The following EIF3L variants were observed in gnomAD, a reference collection of about 807,000 sequenced individuals.
The protein encoded by EIF3L is eukaryotic translation initiation factor 3 subunit L, also known as eIEF associated protein HSPC021.
A neutral mutation model predicts 74.6 loss-of-function variants in EIF3L; 32 were observed. That is an observed-to-expected ratio of 0.43 (90% CI 0.32 to 0.58). The LOEUF (loss-of-function observed/expected upper bound fraction) is 0.58, where lower values mean the gene tolerates loss of function less well. Among genes scored for constraint, EIF3L ranks in the 20% least tolerant of loss-of-function variants. The pLI is 0.06. For missense variants in EIF3L, 474 were observed against 707.8 expected (o/e 0.67, Z 3.75); for synonymous variants, 256 against 254.4 (o/e 1.01, Z -0.06).
At chr22:37,859,576 G>T (rs1227495936) in intron 5 of EIF3L, among the ~76,000 whole-genome samples, 3 of 151,148 alleles carry the variant, frequency 2.0e-5, no homozygotes, top group Non-Finnish European at 4.4e-5. Context: ...TAGAGACGGG[G>T]TTTCACTGTG....
rs1927459466 is a variant in EIF3L, at chr22:37,889,032, C to T, written c.*568C>T. The T allele has an allele frequency of 1.3e-5, 2 of 152,190 alleles. No individual in the cohort carries two copies. Among genetic ancestry groups the T allele is most frequent in the South Asian group, 4.1e-4 (2 of 4,830 alleles). The allele number at this position is 152,190 out of a possible 1,614,324, so 9.4% of individuals were successfully genotyped here. ...CTAGGATTACAGGCATGAGCCACCACGCCCCGCCTAAATTCAAAATCTTTT... is the reference window on the plus strand; with the variant it reads ...CTAGGATTACAGGCATGAGCCACCATGCCCCGCCTAAATTCAAAATCTTTT... On this transcript the variant is annotated 3_prime_UTR_variant, in exon 13 of 13. Transcript: ENST00000652021.
At chr22:37,849,904 G>A in intron 1 of EIF3L, 111 bp from the exon 2 acceptor site, 1 of 1,184,522 alleles carries the variant, frequency 8.4e-7, no homozygotes, top group Non-Finnish European at 1.3e-6. Context: ...CAGGCACAGT[G>A]TCTTATTCGC....
In EIF3L at chr22:37,858,258, C is replaced by G. The variant is rs148332657; in HGVS notation, c.374-421C>G. On this transcript the variant is annotated intron_variant, in intron 4 of 12. Transcript: ENST00000652021. Reference sequence around the variant, plus strand: ...TTTTTTTTTTTTGACATGGGGGTCTCACTGTGTTGCCCATGCTGGAGTGTA... The same window carrying G: ...TTTTTTTTTTTTGACATGGGGGTCTGACTGTGTTGCCCATGCTGGAGTGTA... Among the ~76,000 whole-genome samples the G allele has an allele frequency of 2.2e-4, 24 of 107,786 alleles. No homozygotes were observed. The East Asian group carries it at 7.4e-3, about 33-fold the overall frequency. 70.7% of individuals were successfully genotyped at this position (107,786 alleles called of 152,430 possible). A position where few individuals can be genotyped will look rare whatever the true frequency, so the allele number is the denominator to read the frequency against.
chr22:37,888,553 A>G lies in EIF3L; in HGVS notation c.*89A>G. ...CGTGAAACCTTTACCTAGATCAGCC[A>G]TCAGCCTGTCAACTCAGTTAACAAG... On this transcript the variant is annotated 3_prime_UTR_variant, in exon 13 of 13. Transcript: ENST00000652021. 7.3e-7 allele frequency: 1 copy of G among 1,366,768 alleles called. No individual in the cohort carries two copies. Among genetic ancestry groups the G allele is most frequent in the Non-Finnish European group, 1.0e-6 (1 of 962,188 alleles). The allele number at this position is 1,366,768 out of a possible 1,614,324, so 84.7% of individuals were successfully genotyped here. A position where few individuals can be genotyped will look rare whatever the true frequency, so the allele number is the denominator to read the frequency against.
chr22:37,859,717 C>A (rs1204643682), intron 5 of EIF3L, among the ~76,000 whole-genome samples: 1 of 151,090 alleles, frequency 6.6e-6, no homozygotes, highest in East Asian at 2.0e-4. Flanking sequence ...GCCATCTGTA[C>A]TATTTAAGGC....
chr22:37,850,106 G>T (rs536019258), intron 2 of EIF3L, 43 bp downstream of exon 2: 9 of 1,608,606 alleles, frequency 5.6e-6, no homozygotes, highest in African/African-American at 2.7e-5. Flanking sequence ...GTAGGGATCA[G>T]TTCCTTTGGA....
At chr22:37,871,829 A>G (rs1370397337) in intron 8 of EIF3L, among the ~76,000 whole-genome samples, 1 of 148,472 alleles carries the variant, frequency 6.7e-6, no homozygotes, top group Non-Finnish European at 1.5e-5. Context: ...AGATCGCACC[A>G]CTGCACTACA....
chr22:37,886,783 G>T lies in EIF3L; in HGVS notation c.1594G>T (p.Asp532Tyr). The T allele has an allele frequency of 6.2e-7, 1 of 1,610,830 alleles. No individual in the cohort carries two copies. The highest frequency in any genetic ancestry group is 1.1e-5 in the South Asian group (1 of 90,984). ...CCCACAGGACATGATCCACATCGCG[G>T]ACACCAAGGTCGCCAGGCGTTATGG... ...YIDKDMIHIADTKVARRYGDF... is the reference protein window; with the variant it reads ...YIDKDMIHIAYTKVARRYGDF... Residue 532 changes from aspartate (D) to tyrosine (Y), a missense_variant, in exon 12 of 13, where the codon GAC (aspartate) becomes TAC (tyrosine). Coordinates refer to ENST00000652021, the MANE Select transcript of EIF3L (RefSeq NM_016091.4).
chr22:37,863,793 C>T lies in EIF3L; in HGVS notation c.579+448C>T, dbSNP rs1033711943. Among the ~76,000 whole-genome samples, 10 of 151,876 alleles carry T rather than the reference C, an allele frequency of 6.6e-5. No homozygotes were observed. The South Asian group carries it at 1.0e-3, about 16-fold the overall frequency. Reference sequence around the variant, plus strand: ...TTAAGAGTCAGGGTCAGGCCGGGCGCGGTGACTCACGCCTGTAATCCTAGC... The same window carrying T: ...TTAAGAGTCAGGGTCAGGCCGGGCGTGGTGACTCACGCCTGTAATCCTAGC... On this transcript the variant is annotated intron_variant, in intron 7 of 12. Coordinates refer to ENST00000652021, the MANE Select transcript of EIF3L (RefSeq NM_016091.4).
rs757010146 is a variant in EIF3L at position 37,877,887 on chromosome 22, G to A, written c.1291G>A (p.Val431Met). ...LSPVVPNYDN[V>M]HPNYHKEPFL... is the part of the protein sequence containing the mutation. Reference sequence around the variant, plus strand: ...GCCTGTAGTGCCCAACTATGATAATGTGCACCCCAACTACCACAAAGAGCC... The same window carrying A: ...GCCTGTAGTGCCCAACTATGATAATATGCACCCCAACTACCACAAAGAGCC... Residue 431 changes from valine to methionine, a missense_variant, in exon 11 of 13, where the codon GTG becomes ATG. This residue lies in a region of EIF3L where 293 missense variants were observed against 469.1 expected (regional missense o/e 0.62). Coordinates refer to ENST00000652021, the MANE Select transcript of EIF3L (RefSeq NM_016091.4). 6 of 1,613,064 alleles carry A rather than the reference G, an allele frequency of 3.7e-6. No individual in the cohort carries two copies. The East Asian group carries it at 1.1e-4, about 30-fold the overall frequency.
At chr22:37,875,587 A>G (rs912371012) in intron 9 of EIF3L, among the ~76,000 whole-genome samples, 15 of 152,234 alleles carry the variant, frequency 9.9e-5, no homozygotes, top group Non-Finnish European at 1.8e-4. Context: ...ACTGAGATGT[A>G]TAGCATTTTA....
At chr22:37,863,175 T>TA (rs1011715384) in intron 6 of EIF3L, 97 bp from the exon 7 acceptor site, 69 of 1,212,734 alleles carry the variant, frequency 5.7e-5, no homozygotes, top group Non-Finnish European at 7.7e-5. Flanking sequence ...TTGTGATTCA[T>TA]GGTCCTTTTA....
chr22:37,882,519 T>C (rs1927100516), intron 11 of EIF3L: 1 of 149,820 alleles, frequency 6.7e-6, no homozygotes, highest in Non-Finnish European at 1.5e-5. Context: ...ACTAAAAATA[T>C]TTAAAAAATT....
chr22:37,877,841 C>T lies in EIF3L; in HGVS notation c.1245C>T (p.Tyr415=), dbSNP rs755046671. Reference sequence around the variant, plus strand: ...AAGTCTATGAAGAACTTTTCAGTTACTCCTGCCCCAAGTTCCTGTCGCCTG... The same window carrying T: ...AAGTCTATGAAGAACTTTTCAGTTATTCCTGCCCCAAGTTCCTGTCGCCTG... ...DPQVYEELFS[Y]SCPKFLSPVV... Residue 415 remains tyrosine (Y), a synonymous_variant, in exon 11 of 13, where the codon TAC becomes TAT. Coordinates refer to ENST00000652021, the MANE Select transcript of EIF3L (RefSeq NM_016091.4). 1 of 1,613,876 alleles carries T rather than the reference C, an allele frequency of 6.2e-7. No individual in the cohort carries two copies. Among genetic ancestry groups the T allele is most frequent in the Non-Finnish European group, 8.5e-7 (1 of 1,179,872 alleles).
intron 9 of EIF3L, 94 bp downstream of exon 9, chr22:37,874,618 G>A (rs1490538576): frequency 3.6e-6 from 5 of 1,390,206 alleles, no homozygotes; most frequent in Non-Finnish European, 4.8e-6. Flanking sequence ...TCCAGGAGAG[G>A]AAAGAGGACT....
intron 7 of EIF3L, among the ~76,000 whole-genome samples, chr22:37,863,861 C>A (rs981496625): frequency 2.0e-5 from 3 of 151,860 alleles, no homozygotes; most frequent in Non-Finnish European, 4.4e-5. Context: ...GTCAGGAGAT[C>A]AAGACCATCC....
At chr22:37,856,861 A>G (rs1925542556) in intron 4 of EIF3L, among the ~76,000 whole-genome samples, 1 of 151,250 alleles carries the variant, frequency 6.6e-6, no homozygotes, top group Non-Finnish European at 1.5e-5. Context: ...AAAAAAAGAA[A>G]GAAAGAAATT....
intron 5 of EIF3L, among the ~76,000 whole-genome samples, chr22:37,859,374 C>CTTTTTTTTTATTTTTTTTTTT (rs1925720805): frequency 1.3e-5 from 1 of 79,162 alleles, no homozygotes; most frequent in African/African-American, 5.7e-5. Context: ...CGTGAAGTTT[C>CTTTTTTTTTATTTTTTTTTTT]TTTTTTTTTT....
chr22:37,854,154 C>T (rs1213917754), intron 3 of EIF3L, among the ~76,000 whole-genome samples: 1 of 151,928 alleles, frequency 6.6e-6, no homozygotes, highest in African/African-American at 2.4e-5. Flanking sequence ...AAGAAAGGAT[C>T]TAGTAAAGGA....
Sources: allele counts gnomAD v4.1 joint callset (sites outside exome capture counted in the v4.1 genomes callset), GRCh38; gene constraint gnomAD v4.1.1; regional missense constraint gnomAD v4.1.1; transcripts MANE v1.5; gene names NCBI Gene and HGNC (gene_info 2026-07-23, HGNC 2026-07-21).